The following GPAA1 variants were observed in gnomAD, a reference collection of about 807,000 sequenced individuals.
GPAA1 encodes the protein GPI-anchor transamidase component GPAA1.
Under a neutral mutation model 64.0 loss-of-function variants are expected in GPAA1, and 54 were observed. The observed-to-expected ratio is 0.84, with a 90% CI of 0.68 to 1.06. The LOEUF (loss-of-function observed/expected upper bound fraction) is 1.06. GPAA1 is among the 50% of genes least tolerant of loss of function. The probability of loss-of-function intolerance (pLI) is 0.00; values close to 1 mark genes in which losing one functional copy is unlikely to be tolerated. For synonymous variants in GPAA1, 393 were observed against 377.3 expected (o/e 1.04, Z -0.48); for missense variants, 780 against 822.3 (o/e 0.95, Z 0.63).
chr8:144,083,700 G>A lies in GPAA1; in HGVS notation c.367-14G>A, dbSNP rs558933761. ...AAGTTACACTGAGGCTCCCCCCACC[G>A]ATGCTGCATACAGATGGTGTCGGGC... On this transcript the variant is annotated splice_polypyrimidine_tract_variant and intron_variant, in intron 3 of 11. Transcript: ENST00000355091. 5.0e-6 allele frequency: 8 copies of A among 1,596,154 alleles called. No individual in the cohort carries two copies. In the African/African-American group the frequency reaches 6.7e-5, roughly 13 times the overall value.
rs900948180 is a variant in GPAA1 at position 144,083,702 on chromosome 8, T to C, written c.367-12T>C. 4 of 1,597,984 alleles carry C rather than the reference T, an allele frequency of 2.5e-6. No homozygotes were observed. The highest frequency in any genetic ancestry group is 3.4e-6 in the Non-Finnish European group (4 of 1,176,170). ...GTTACACTGAGGCTCCCCCCACCGATGCTGCATACAGATGGTGTCGGGCAC... is the reference window on the plus strand; with the variant it reads ...GTTACACTGAGGCTCCCCCCACCGACGCTGCATACAGATGGTGTCGGGCAC... On this transcript the variant is annotated splice_polypyrimidine_tract_variant and intron_variant, in intron 3 of 11. Coordinates refer to ENST00000355091, the MANE Select transcript of GPAA1 (RefSeq NM_003801.4).
rs540579195 is a variant in GPAA1 at position 144,083,699 on chromosome 8, C to T, written c.367-15C>T. The T allele has an allele frequency of 5.1e-5, 81 of 1,595,358 alleles. No individual in the cohort carries two copies. The highest frequency in any genetic ancestry group is 6.3e-5 in the Non-Finnish European group (74 of 1,174,542). On this transcript the variant is annotated splice_polypyrimidine_tract_variant and intron_variant, in intron 3 of 11. Coordinates refer to ENST00000355091, the MANE Select transcript of GPAA1 (RefSeq NM_003801.4). ...AAAGTTACACTGAGGCTCCCCCCAC[C>T]GATGCTGCATACAGATGGTGTCGGG...
chr8:144,082,993 C>G, intron 1 of GPAA1, 131 bp from the exon 2 acceptor site: 1 of 922,892 alleles, frequency 1.1e-6, no homozygotes, highest in South Asian at 1.7e-5. Context: ...TCGGGTCCGG[C>G]GTCCCGATGC....
chr8:144,085,560 C>A lies in GPAA1; in HGVS notation c.1452-13C>A, dbSNP rs1554764254. ...ACAGCTTGTGGGTTGCCTCTGAGTC[C>A]TTTGTCTTACAGGGTGGTAAGCACA... On this transcript the variant is annotated splice_polypyrimidine_tract_variant and intron_variant, in intron 10 of 11. Transcript: ENST00000355091. The A allele has an allele frequency of 6.2e-7, 1 of 1,611,474 alleles. No homozygotes were observed. The highest frequency in any genetic ancestry group is 2.2e-5 in the East Asian group (1 of 44,838).
intron 7 of GPAA1, 44 bp downstream of exon 7, chr8:144,084,653 C>G: frequency 6.2e-7 from 1 of 1,605,946 alleles, no homozygotes. Flanking sequence ...AGGATGGGGT[C>G]TAGCTGGAGC....
At position 144,083,817 on chromosome 8, in the gene GPAA1, G is replaced by C. The variant is rs782654803; in HGVS notation, c.470G>C (p.Ser157Thr). ...CCCTGTGGCTCTGACTCTACCAACA[G>C]CCAGGCTGTGGGGCTGCTGCTGGCA... ...TVPCGSDSTN[S>T]QAVGLLLALA... Residue 157 changes from serine to threonine, a missense_variant, in exon 4 of 12, where the codon AGC becomes ACC. By Grantham distance (58) the Ser-to-Thr change is moderately conservative. Transcript: ENST00000355091. The C allele has an allele frequency of 1.2e-6, 2 of 1,608,358 alleles. No homozygotes were observed. The highest frequency in any genetic ancestry group is 1.7e-5 in the Admixed American group (1 of 59,950).
At chr8:144,084,634 T>G in intron 7 of GPAA1, 25 bp downstream of exon 7, 2 of 1,606,900 alleles carry the variant, frequency 1.2e-6, no homozygotes, top group Non-Finnish European at 1.7e-6. Context: ...GTCCCCCCTT[T>G]CCATGCCCAG....
At chr8:144,085,814 C>T in intron 11 of GPAA1, 68 bp from the exon 12 acceptor site, 1 of 1,599,446 alleles carries the variant, frequency 6.3e-7, no homozygotes, top group Non-Finnish European at 8.5e-7. Flanking sequence ...CATTCAGTAG[C>T]CCTTTCCCCC....
At position 144,082,770 on chromosome 8, in the gene GPAA1, G is replaced by C; in HGVS notation, c.40G>C (p.Ala14Pro). 1 of 1,464,828 alleles carries C rather than the reference G, an allele frequency of 6.8e-7. No homozygotes were observed. Among genetic ancestry groups the C allele is most frequent in the Non-Finnish European group, 9.0e-7 (1 of 1,114,360 alleles). 90.7% of individuals were successfully genotyped at this position (1,464,828 alleles called of 1,614,324 possible). Residue 14 changes from alanine to proline, a missense_variant, in exon 1 of 12, where the codon GCC becomes CCC. By Grantham distance (27) the Ala-to-Pro change is conservative. Coordinates refer to ENST00000355091, the MANE Select transcript of GPAA1 (RefSeq NM_003801.4). The part of the protein sequence containing the change: ...LSDPVRRRAL[A>P]RLVLRLNAPL... ...GGACCCGGTTCGCCGGCGCGCGCTC[G>C]CCCGCCTAGTGCTGCGCCTCAACGC... is the stretch of plus-strand genomic sequence containing the variant.
At position 144,083,516 on chromosome 8, in the gene GPAA1, G is replaced by GGTGT; in HGVS notation, c.366+18_366+21dup. 1 of 1,585,384 alleles carries GGTGT rather than the reference G, an allele frequency of 6.3e-7. No individual in the cohort carries two copies. On this transcript the variant is annotated intron_variant, in intron 3 of 11. Coordinates refer to ENST00000355091, the MANE Select transcript of GPAA1 (RefSeq NM_003801.4). ...CGAGCGCTATGTACTGGGGGAGTGG[G>GGTGT]GTGTGCCTGGGCCCAGAAAGCACCT... is the stretch of plus-strand genomic sequence containing the variant.
At position 144,085,463 on chromosome 8, in the gene GPAA1, C is replaced by G; in HGVS notation, c.1435C>G (p.Pro479Ala). Residue 479 changes from proline (P) to alanine (A), a missense_variant, in exon 10 of 12, where the codon CCC becomes GCC. By Grantham distance (27) the Pro-to-Ala change is conservative. Coordinates refer to ENST00000355091, the MANE Select transcript of GPAA1 (RefSeq NM_003801.4). ...LAIYAAGLAL[P>A]HNTHRVVSTQ... ...GATTTATGCAGCTGGCCTGGCCCTG[C>G]CCCACAATACCCACCGGTAAGAGGC... 1 of 1,603,618 alleles carries G rather than the reference C, an allele frequency of 6.2e-7. No individual in the cohort carries two copies. The highest frequency in any genetic ancestry group is 8.5e-7 in the Non-Finnish European group (1 of 1,179,766).
Position 144,083,515 on chromosome 8 carries a change from G to T in GPAA1, c.366+15G>T. 1 of 1,585,650 alleles carries T rather than the reference G, an allele frequency of 6.3e-7. No individual in the cohort carries two copies. Among genetic ancestry groups the T allele is most frequent in the Non-Finnish European group, 8.7e-7 (1 of 1,154,296 alleles). On this transcript the variant is annotated intron_variant, in intron 3 of 11. Coordinates refer to ENST00000355091, the MANE Select transcript of GPAA1 (RefSeq NM_003801.4). Reference sequence around the variant, plus strand: ...ACGAGCGCTATGTACTGGGGGAGTGGGGTGTGCCTGGGCCCAGAAAGCACC... The same window carrying T: ...ACGAGCGCTATGTACTGGGGGAGTGTGGTGTGCCTGGGCCCAGAAAGCACC...
rs1263269924 is a variant in GPAA1, at chr8:144,084,484, G to T, written c.885G>T (p.Leu295=). The T allele has an allele frequency of 6.2e-7, 1 of 1,613,280 alleles. No homozygotes were observed. Residue 295 remains leucine, a synonymous_variant, in exon 7 of 12, where the codon CTG becomes CTT. Coordinates refer to ENST00000355091, the MANE Select transcript of GPAA1 (RefSeq NM_003801.4). Reference sequence around the variant, plus strand: ...TGCAGACACTGCTGCTCATGGTTCTGCGGCAGGCCTCCGGCCGCCCCCACG... The same window carrying T: ...TGCAGACACTGCTGCTCATGGTTCTTCGGCAGGCCTCCGGCCGCCCCCACG... ...QGLQTLLLMV[L]RQASGRPHGS... is the part of the protein sequence containing the mutation.
intron 8 of GPAA1, 82 bp downstream of exon 8, chr8:144,084,957 TGGG>T: frequency 2.1e-6 from 3 of 1,461,136 alleles, no homozygotes; most frequent in Non-Finnish European, 2.9e-6. Context: ...TCCATCCTGA[TGGG>T]GGGTGGGGTA....
chr8:144,083,277 C>T lies in GPAA1; in HGVS notation c.228C>T (p.Asp76=), dbSNP rs782502443. ...GGDRARAFAR[D]FAAHRKKSGA... ...ACCGTGCCCGGGCTTTTGCCCGGGA[C>T]TTCGCCGCCCACCGCAAGAAGTCGG... The change falls in exon 2 of 12, where the codon GAC becomes GAT. Residue 76 remains aspartate (D), a synonymous_variant. Transcript: ENST00000355091. The T allele has an allele frequency of 4.4e-6, 7 of 1,602,744 alleles. No individual in the cohort carries two copies. The highest frequency in any genetic ancestry group is 6.0e-6 in the Non-Finnish European group (7 of 1,172,994).
chr8:144,086,190 A>G lies in GPAA1; in HGVS notation c.*65A>G, dbSNP rs1835993511. ...CCCCATTCTGCCTCCTTCTGGGGAA[A>G]TAAATGAGTGTCTGTTTCAGCAGCT... On this transcript the variant is annotated 3_prime_UTR_variant, in exon 12 of 12. Coordinates refer to ENST00000355091, the MANE Select transcript of GPAA1 (RefSeq NM_003801.4). The G allele has an allele frequency of 6.5e-7, 1 of 1,532,016 alleles. No individual in the cohort carries two copies. The highest frequency in any genetic ancestry group is 1.4e-5 in the African/African-American group (1 of 69,780). The allele number at this position is 1,532,016 out of a possible 1,614,324, so 94.9% of individuals were successfully genotyped here.
rs782695389 is a variant in GPAA1 at position 144,084,353 on chromosome 8, G to A, written c.813+23G>A. 4 of 1,612,280 alleles carry A rather than the reference G, an allele frequency of 2.5e-6. No homozygotes were observed. The Admixed American group carries it at 5.0e-5, about 20-fold the overall frequency. ...AAGGTGGGGCTGCCTGCCTGCCTGAGGGCTGAAGGGCACAGGGTCTGTGGG... is the reference window on the plus strand; with the variant it reads ...AAGGTGGGGCTGCCTGCCTGCCTGAAGGCTGAAGGGCACAGGGTCTGTGGG... On this transcript the variant is annotated intron_variant, in intron 6 of 11. Transcript: ENST00000355091.
At position 144,085,347 on chromosome 8, in the gene GPAA1, C is replaced by T; in HGVS notation, c.1319C>T (p.Ala440Val). 6.2e-7 allele frequency: 1 copy of T among 1,610,104 alleles called. No individual in the cohort carries two copies. The highest frequency in any genetic ancestry group is 2.2e-5 in the East Asian group (1 of 44,868). ...CTGATCTCACAGGCCATGGGACTGG[C>T]CCTCTATGTCCTGCCAGTGCTGGGC... is the stretch of plus-strand genomic sequence containing the variant. ...PLLISQAMGL[A>V]LYVLPVLGQH... is the part of the protein sequence containing the mutation. Residue 440 changes from alanine to valine, a missense_variant, in exon 10 of 12, where the codon GCC (alanine) becomes GTC (valine). By Grantham distance (64) the Ala-to-Val change is moderately conservative. Transcript: ENST00000355091.
chr8:144,085,971 C>T lies in GPAA1; in HGVS notation c.1712C>T (p.Pro571Leu), dbSNP rs1835990070. Residue 571 changes from proline (P) to leucine (L), a missense_variant, in exon 12 of 12, where the codon CCA (proline) becomes CTA (leucine). Physicochemically the swap from Pro to Leu is moderately conservative, Grantham distance 98. Transcript: ENST00000355091. ...LFLWRELQEAPLSLAEGWQLF... is the reference protein window; with the variant it reads ...LFLWRELQEALLSLAEGWQLF... ...CTGTGGCGGGAGCTGCAGGAGGCGC[C>T]ACTGTCACTGGCCGAGGGCTGGCAG... is the stretch of plus-strand genomic sequence containing the variant. The T allele has an allele frequency of 6.2e-7, 1 of 1,607,024 alleles. No individual in the cohort carries two copies.
Sources: gnomAD v4.1 joint callset for allele counts on GRCh38, gnomAD v4.1.1 for gene constraint, MANE v1.5 for transcripts, NCBI Gene and HGNC (gene_info 2026-07-23, HGNC 2026-07-21) for gene names.